LYPLA1: variants seen among roughly 807,000 people sequenced by gnomAD.
LYPLA1 encodes the protein lysophospholipase 1.
Under a neutral mutation model 34.0 loss-of-function variants are expected in LYPLA1, and 17 were observed. The observed-to-expected ratio is 0.50, with a 90% confidence interval of 0.34 to 0.75. The LOEUF (loss-of-function observed/expected upper bound fraction) is 0.75. Among genes scored for constraint, LYPLA1 ranks in the 30% least tolerant of loss-of-function variants. The pLI is 0.01. For synonymous variants in LYPLA1, 98 were observed against 100.8 expected, an observed-to-expected ratio of 0.97 and a Z score of 0.17; for missense variants, 203 against 288.8, an observed-to-expected ratio of 0.70 and a Z score of 2.15.
chr8:54,067,693 ATTTT>A (rs762583097), intron 2 of LYPLA1, among the ~76,000 whole-genome samples: 1 of 135,516 alleles, frequency 7.4e-6, no homozygotes. Flanking sequence ...ATGAATGTTA[ATTTT>A]TTTTTTTTTT....
At chr8:54,079,582 C>G (rs1338141506) in intron 2 of LYPLA1, among the ~76,000 whole-genome samples, 3 of 152,064 alleles carry the variant, frequency 2.0e-5, no homozygotes, top group Non-Finnish European at 4.4e-5. Flanking sequence ...TTGGGCGGAT[C>G]ATTTGAGTCC....
intron 2 of LYPLA1, among the ~76,000 whole-genome samples, chr8:54,089,634 T>C (rs1412863138): frequency 6.6e-6 from 1 of 152,026 alleles, no homozygotes; most frequent in Non-Finnish European, 1.5e-5. Context: ...ACCTCTTTTT[T>C]TTTTTTTTGA....
At chr8:54,052,943 A>T (rs1001150647) in intron 6 of LYPLA1, 187 bp from the exon 7 acceptor site, 1 of 524,570 alleles carries the variant, frequency 1.9e-6, no homozygotes, top group African/African-American at 1.9e-5. Context: ...TCTCTACACC[A>T]GAGAACATAC....
chr8:54,044,048 T>C (rs1805427013), downstream of LYPLA1, among the ~76,000 whole-genome samples: 1 of 152,048 alleles, frequency 6.6e-6, no homozygotes, highest in South Asian at 2.1e-4. Context: ...CACGCCACCA[T>C]GCCCAGCTAA....
chr8:54,059,596 G>A lies in LYPLA1; in HGVS notation c.286+2658C>T, dbSNP rs1338713747. ...TGGGATTACAGGCGTGAGCCACCGC[G>A]CCCGGCCATTTTCCCTGTTTTAAAG... is the stretch of plus-strand genomic sequence containing the variant. On this transcript the variant is annotated intron_variant, in intron 5 of 8. Transcript: ENST00000316963. Among the ~76,000 whole-genome samples, 4 of 73,312 alleles carry A rather than the reference G, an allele frequency of 5.5e-5. 2 individuals carry two copies. Among genetic ancestry groups the A allele is most frequent in the Admixed American group, 3.2e-4 (2 of 6,224 alleles). 48.1% of individuals were successfully genotyped at this position (73,312 alleles called of 152,430 possible).
chr8:54,078,751 T>C (rs1450203005), intron 2 of LYPLA1, among the ~76,000 whole-genome samples: 1 of 152,136 alleles, frequency 6.6e-6, no homozygotes, highest in Non-Finnish European at 1.5e-5. Context: ...GGAAATCATT[T>C]TGAGACAAGA....
intron 5 of LYPLA1, among the ~76,000 whole-genome samples, chr8:54,056,717 A>T (rs1806230090): frequency 6.6e-6 from 1 of 152,162 alleles, no homozygotes; most frequent in South Asian, 2.1e-4. Context: ...GATCAAGACC[A>T]TCCTGCCCAA....
At chr8:54,068,036 C>T (rs1011327270) in intron 2 of LYPLA1, among the ~76,000 whole-genome samples, 1 of 152,012 alleles carries the variant, frequency 6.6e-6, no homozygotes, top group African/African-American at 2.4e-5. Flanking sequence ...AACCCACTTC[C>T]CCCAAAGTGT....
intron 2 of LYPLA1, among the ~76,000 whole-genome samples, chr8:54,071,143 AT>A (rs1348972697): frequency 2.4e-4 from 36 of 152,294 alleles, no homozygotes; most frequent in Non-Finnish European, 8.8e-5. Context: ...CTGTGGCTAT[AT>A]GCTTTAAAAC....
At chr8:54,086,605 C>G (rs975572729) in intron 2 of LYPLA1, among the ~76,000 whole-genome samples, 1 of 146,460 alleles carries the variant, frequency 6.8e-6, no homozygotes, top group African/African-American at 2.5e-5. Flanking sequence ...GGCTCACACT[C>G]GTAATCCAAC....
chr8:54,054,553 G>T (rs933922581), intron 6 of LYPLA1: 2 of 152,310 alleles, frequency 1.3e-5, no homozygotes, highest in Non-Finnish European at 2.9e-5. Context: ...TCTGGGGACT[G>T]GTTCCATGGC....
At chr8:54,089,419 A>T (rs1418313597) in intron 2 of LYPLA1, among the ~76,000 whole-genome samples, 7 of 147,842 alleles carry the variant, frequency 4.7e-5, no homozygotes, top group Non-Finnish European at 1.0e-4. Context: ...ATTAAACTTT[A>T]TCACAGGTAT....
intron 3 of LYPLA1, among the ~76,000 whole-genome samples, chr8:54,065,269 C>T (rs1806964878): frequency 6.6e-6 from 1 of 151,978 alleles, no homozygotes; most frequent in Non-Finnish European, 1.5e-5. Context: ...AATAGCCTGG[C>T]CAACATGGTG....
intron 2 of LYPLA1, among the ~76,000 whole-genome samples, chr8:54,084,242 CAG>C (rs1352015649): frequency 1.4e-5 from 2 of 148,010 alleles, no homozygotes; most frequent in Non-Finnish European, 3.0e-5. Flanking sequence ...CCACAGTAAA[CAG>C]AAAGAAGAAA....
intron 2 of LYPLA1, among the ~76,000 whole-genome samples, chr8:54,088,938 G>T (rs759980110): frequency 3.9e-5 from 6 of 152,150 alleles, no homozygotes; most frequent in Non-Finnish European, 7.3e-5. Context: ...AGATGAGCCT[G>T]AAAAACATTA....
intron 2 of LYPLA1, among the ~76,000 whole-genome samples, chr8:54,083,607 T>C (rs886289287): frequency 6.6e-6 from 1 of 152,230 alleles, no homozygotes; most frequent in African/African-American, 2.4e-5. Flanking sequence ...TCAGCCACTC[T>C]AGGATGAAAA....
At chr8:54,054,899 A>C in intron 6 of LYPLA1, 161 bp downstream of exon 6, 2 of 585,012 alleles carry the variant, frequency 3.4e-6, no homozygotes, top group East Asian at 3.0e-5. Flanking sequence ...AGAAGAAATT[A>C]ATTAGTTCCA....
chr8:54,093,757 G>A (rs1809481170), intron 2 of LYPLA1, among the ~76,000 whole-genome samples: 1 of 152,118 alleles, frequency 6.6e-6, no homozygotes, highest in Admixed American at 6.5e-5. Context: ...CTAGCACTGG[G>A]AATACAGTAT....
chr8:54,062,152 C>T (rs533342944), intron 5 of LYPLA1, 102 bp downstream of exon 5: 1 of 830,120 alleles, frequency 1.2e-6, no homozygotes. Context: ...GCCACCGTGC[C>T]CGGCCCAAAT....
Sources: gnomAD v4.1 joint callset for allele counts (sites outside exome capture counted in the v4.1 genomes callset) on GRCh38, gnomAD v4.1.1 for gene constraint, MANE v1.5 for transcripts, NCBI Gene and HGNC (gene_info 2026-07-23, HGNC 2026-07-21) for gene names.